OPCML: variants seen among roughly 807,000 people sequenced by gnomAD.
The protein encoded by OPCML is opioid binding protein/cell adhesion molecule like, also known as opioid-binding protein/cell adhesion molecule.
OPCML carries 13 observed loss-of-function variants against 37.8 expected under a neutral mutation model. The observed-to-expected ratio is 0.34, with a 90% CI of 0.22 to 0.55. The LOEUF (loss-of-function observed/expected upper bound fraction) is 0.55, where lower values mean the gene tolerates loss of function less well. Ranked by LOEUF, OPCML falls within the 20% of genes least tolerant of loss-of-function variation. The pLI is 0.91. For missense variants in OPCML, 341 were observed against 435.6 expected, an observed-to-expected ratio of 0.78 and a Z score of 1.93; for synonymous variants, 176 against 168.8, an observed-to-expected ratio of 1.04 and a Z score of -0.33.
intron 2 of OPCML, among the ~76,000 whole-genome samples, chr11:132,749,698 C>G (rs1367976359): frequency 6.6e-6 from 1 of 152,068 alleles, no homozygotes; most frequent in Non-Finnish European, 1.5e-5. Context: ...AGATTCAGAA[C>G]TGAGCTCTGA....
chr11:133,000,151 G>A (rs1164550059), intron 1 of OPCML, among the ~76,000 whole-genome samples: 1 of 152,082 alleles, frequency 6.6e-6, no homozygotes, highest in Non-Finnish European at 1.5e-5. Context: ...CTGCCTCCCA[G>A]GTTCAAACAA....
intron 1 of OPCML, among the ~76,000 whole-genome samples, chr11:133,022,971 A>C (rs1947481266): frequency 1.3e-5 from 2 of 152,226 alleles, no homozygotes; most frequent in Admixed American, 6.5e-5. Flanking sequence ...TCATGGGGAA[A>C]GGCAGGCGAA....
intron 1 of OPCML, among the ~76,000 whole-genome samples, chr11:133,373,448 T>TATATATATATATATATACACACAC (rs966091785): frequency 1.1e-4 from 14 of 132,168 alleles, no homozygotes; most frequent in African/African-American, 4.4e-4. Flanking sequence ...TATATATATA[T>TATATATATATATATATACACACAC]ACACACACAC....
At chr11:133,061,105 GTCC>G (rs1479801655) in intron 1 of OPCML, among the ~76,000 whole-genome samples, 1 of 152,224 alleles carries the variant, frequency 6.6e-6, no homozygotes, top group African/African-American at 2.4e-5. Flanking sequence ...GGTTTAAGCA[GTCC>G]TCCTGCCTGA....
chr11:132,707,681 G>C (rs1944090406), intron 2 of OPCML, among the ~76,000 whole-genome samples: 2 of 152,194 alleles, frequency 1.3e-5, no homozygotes, highest in Admixed American at 6.5e-5. Flanking sequence ...GCCATCACTA[G>C]CAGGCCTTAT....
chr11:132,994,453 C>A (rs888324877), intron 1 of OPCML, among the ~76,000 whole-genome samples: 2 of 152,142 alleles, frequency 1.3e-5, no homozygotes, highest in Non-Finnish European at 2.9e-5. Context: ...GCTCGCCGTG[C>A]AGGCGCCTCG....
intron 1 of OPCML, among the ~76,000 whole-genome samples, chr11:133,248,407 G>T (rs962076582): frequency 2.0e-5 from 3 of 152,198 alleles, no homozygotes; most frequent in African/African-American, 7.2e-5. Flanking sequence ...TGCTGGTGGT[G>T]GTGGGTAAAC....
intron 4 of OPCML, among the ~76,000 whole-genome samples, chr11:132,453,007 G>A (rs1440545780): frequency 6.6e-6 from 1 of 152,158 alleles, no homozygotes; most frequent in Non-Finnish European, 1.5e-5. Context: ...CATCTTGTAA[G>A]GGATTGTCTT....
At chr11:133,034,314 T>TATAG (rs1193814972) in intron 1 of OPCML, among the ~76,000 whole-genome samples, 102 of 150,920 alleles carry the variant, frequency 6.8e-4, no homozygotes, top group African/African-American at 1.9e-3. Flanking sequence ...TATAGGTGTG[T>TATAG]GTGTGTGTGT....
intron 2 of OPCML, among the ~76,000 whole-genome samples, chr11:132,836,771 C>A (rs555491490): frequency 6.6e-6 from 1 of 152,008 alleles, no homozygotes; most frequent in Non-Finnish European, 1.5e-5. Context: ...TAAGCCCCAG[C>A]GGAAAAATCA....
chr11:133,217,689 A>C (rs1939642252), intron 1 of OPCML, among the ~76,000 whole-genome samples: 1 of 152,102 alleles, frequency 6.6e-6, no homozygotes, highest in South Asian at 2.1e-4. Flanking sequence ...ATCTGCTGGG[A>C]TTTCTGGCAG....
chr11:132,575,557 C>T (rs2096448475), intron 3 of OPCML, among the ~76,000 whole-genome samples: 1 of 151,834 alleles, frequency 6.6e-6, no homozygotes, highest in African/African-American at 2.4e-5. Flanking sequence ...TGTTTATTGT[C>T]ATAATTTCCA....
intron 4 of OPCML, among the ~76,000 whole-genome samples, chr11:132,444,101 A>T (rs975749444): frequency 2.0e-5 from 3 of 152,166 alleles, no homozygotes; most frequent in Admixed American, 1.3e-4. Flanking sequence ...GGTAAGGAGG[A>T]CGCCAGACCC....
In OPCML at chr11:132,471,164, G is replaced by A. The variant is rs540495642; in HGVS notation, c.506-33805C>T. 1.3e-4 allele frequency among the ~76,000 whole-genome samples: 20 copies of A among 152,278 alleles called. No individual in the cohort carries two copies. In the South Asian group the frequency reaches 4.1e-3, roughly 32 times the overall value. On this transcript the variant is annotated intron_variant, in intron 4 of 7. Coordinates refer to ENST00000524381, the MANE Select transcript of OPCML (RefSeq NM_001012393.5). Reference sequence around the variant, plus strand: ...CCCTTGATAAAGTTTCAGCCGAGTGGTAAGTTGCTTGAGAAAAGGAAGAAA... The same window carrying A: ...CCCTTGATAAAGTTTCAGCCGAGTGATAAGTTGCTTGAGAAAAGGAAGAAA...
intron 2 of OPCML, among the ~76,000 whole-genome samples, chr11:132,863,620 CATCCA>C (rs2136367894): frequency 6.6e-6 from 1 of 152,316 alleles, no homozygotes; most frequent in East Asian, 1.9e-4. Flanking sequence ...CAAAGTCGGC[CATCCA>C]ACCTAAAACT....
intron 4 of OPCML, among the ~76,000 whole-genome samples, chr11:132,477,111 C>T (rs991417472): frequency 2.0e-5 from 3 of 152,124 alleles, no homozygotes; most frequent in African/African-American, 7.2e-5. Flanking sequence ...TCCCAGGTTT[C>T]CCAGGTTGGA....
intron 1 of OPCML, among the ~76,000 whole-genome samples, chr11:133,250,739 CTT>C (rs1275414100): frequency 6.6e-6 from 1 of 152,112 alleles, no homozygotes; most frequent in Non-Finnish European, 1.5e-5. Flanking sequence ...CTGAATTAGA[CTT>C]TTCCAAACTT....
chr11:133,018,984 A>G (rs1402016716), intron 1 of OPCML, among the ~76,000 whole-genome samples: 6 of 152,166 alleles, frequency 3.9e-5, no homozygotes, highest in Non-Finnish European at 4.4e-5. Flanking sequence ...CAGAGTCCCA[A>G]ATCCCCTGTG....
At chr11:133,035,888 C>A (rs1299143817) in intron 1 of OPCML, among the ~76,000 whole-genome samples, 1 of 149,108 alleles carries the variant, frequency 6.7e-6, no homozygotes, top group Non-Finnish European at 1.5e-5. Context: ...CAGACAACAC[C>A]GCAAGAAGCC....
Sources: allele counts gnomAD v4.1 joint callset (sites outside exome capture counted in the v4.1 genomes callset), GRCh38; gene constraint gnomAD v4.1.1; transcripts MANE v1.5; gene names NCBI Gene and HGNC (gene_info 2026-07-23, HGNC 2026-07-21).